The following DAAM2 variants were observed in gnomAD, a reference collection of about 807,000 sequenced individuals.
DAAM2 encodes the protein disheveled-associated activator of morphogenesis 2.
DAAM2 carries 39 observed loss-of-function variants against 120.7 expected under a neutral mutation model. The observed-to-expected ratio is 0.32, with a 90% CI of 0.25 to 0.42. The LOEUF is 0.42. Ranked by LOEUF, DAAM2 falls within the 10% of genes least tolerant of loss-of-function variation. The probability of loss-of-function intolerance (pLI) is 1.00; values close to 1 mark genes in which losing one functional copy is unlikely to be tolerated. For missense variants in DAAM2, 1,283 were observed against 1,401.7 expected (o/e 0.92, Z 1.35); for synonymous variants, 488 against 524.9 (o/e 0.93, Z 0.96).
At chr6:39,856,119 T>TGGGGGGGCCACCGGGGGGGGGGG in intron 1 of DAAM2, 128 bp from the exon 2 acceptor site, 1 of 509,062 alleles carries the variant, frequency 2.0e-6, no homozygotes. Flanking sequence ...GCGGGGTGGG[T>TGGGGGGGCCACCGGGGGGGGGGG]GGGGCTTTGC....
chr6:39,857,026 A>G (rs1764035007), intron 2 of DAAM2, among the ~76,000 whole-genome samples: 1 of 152,190 alleles, frequency 6.6e-6, no homozygotes, highest in Admixed American at 6.5e-5. Flanking sequence ...GGCAGGCGGA[A>G]GCTCTGCCAT....
intron 22 of DAAM2, 125 bp downstream of exon 22, chr6:39,899,062 C>T: frequency 1.4e-6 from 1 of 726,090 alleles, no homozygotes. Flanking sequence ...CAGGGTCAGC[C>T]CTCCCAAAGG....
rs1319700326 is a variant in DAAM2 at position 39,864,457 on chromosome 6, G to T, written c.283G>T (p.Ala95Ser). The change falls in exon 4 of 25, where the codon GCA (alanine) becomes TCA (serine). Residue 95 changes from alanine (A) to serine (S), a missense_variant. Physicochemically the swap from Ala to Ser is moderately conservative, Grantham distance 99. Around this residue, in one of 3 missense-constraint regions of DAAM2, gnomAD observed 197 missense variants for 189.3 expected, o/e 1.04. Transcript: ENST00000274867. ...KKEQEDPNKL[A>S]TSWPDYYIDR... ...GGAGCAGGAGGACCCCAACAAGCTG[G>T]CAACCAGCTGGCCTGACTATTACAT... 6 of 1,612,808 alleles carry T rather than the reference G, an allele frequency of 3.7e-6. No homozygotes were observed. The highest frequency in any genetic ancestry group is 1.3e-5 in the African/African-American group (1 of 74,906).
Position 39,857,104 on chromosome 6 carries a change from G to C in DAAM2, c.168+634G>C, listed in dbSNP as rs1281954454. Among the ~76,000 whole-genome samples, 8 of 152,340 alleles carry C rather than the reference G, an allele frequency of 5.3e-5. No individual in the cohort carries two copies. The East Asian group carries it at 1.2e-3, about 22-fold the overall frequency. ...AGACCAGCTTTCAGACTGCCCTTGT[G>C]AGAAGCCCGTGTGTGTGCAGCTTTA... On this transcript the variant is annotated intron_variant, in intron 2 of 24. Coordinates refer to ENST00000274867, the MANE Select transcript of DAAM2 (RefSeq NM_001201427.2).
chr6:39,864,414 G>A lies in DAAM2; in HGVS notation c.259-19G>A. On this transcript the variant is annotated intron_variant, in intron 3 of 24. Transcript: ENST00000274867. ...CCTGTCTTGCCTGTTGGTCCATGCT[G>A]TCCTTTTTCTTGTTTCAGGAGCAGG... The A allele has an allele frequency of 6.2e-7, 1 of 1,608,760 alleles. No homozygotes were observed. Among genetic ancestry groups the A allele is most frequent in the Non-Finnish European group, 8.5e-7 (1 of 1,176,802 alleles).
chr6:39,878,255 C>A lies in DAAM2; in HGVS notation c.1354C>A (p.Arg452=). ...KQWRDQAEKF[R]KEHMELVSRL... is the part of the protein sequence containing the mutation. ...GTGGCGAGACCAGGCAGAGAAGTTC[C>A]GGAAAGGTGAGGGGCTCTGCTTAAG... Residue 452 remains arginine (R), a synonymous_variant, in exon 12 of 25, where the codon CGG becomes AGG. Transcript: ENST00000274867. This position sits in a 1 kb window ranked among gnomAD's most constrained non-coding sequence, Gnocchi z 5.0. The A allele has an allele frequency of 6.2e-7, 1 of 1,613,940 alleles. No homozygotes were observed. The highest frequency in any genetic ancestry group is 2.2e-5 in the East Asian group (1 of 44,884).
At chr6:39,859,898 G>T (rs1764144267) in intron 2 of DAAM2, among the ~76,000 whole-genome samples, 1 of 152,040 alleles carries the variant, frequency 6.6e-6, no homozygotes. Flanking sequence ...CAAAATTTAA[G>T]ACTATTATAC....
intron 1 of DAAM2, among the ~76,000 whole-genome samples, chr6:39,833,490 TAGAGAC>T (rs764958954): frequency 2.6e-5 from 4 of 152,142 alleles, no homozygotes; most frequent in Admixed American, 6.5e-5. Context: ...ATATTTTTAT[TAGAGAC>T]AGAGTTTCAC....
In DAAM2 at chr6:39,860,979, C is replaced by A. The variant is rs370112679; in HGVS notation, c.220C>A (p.Pro74Thr). The A allele has an allele frequency of 5.9e-5, 95 of 1,613,048 alleles. 1 individual carries two copies. In the East Asian group the frequency reaches 6.5e-4, roughly 11 times the overall value. ...KNREAMFALP[P>T]EKKWQIYCSK... ...CCGAGAGGCTATGTTTGCACTGCCC[C>A]CTGAGAAGAAATGGCAGATCTACTG... Residue 74 changes from proline (P) to threonine (T), a missense_variant, in exon 3 of 25, where the codon CCT becomes ACT. This residue lies in a region of DAAM2 where 197 missense variants were observed against 189.3 expected (regional missense o/e 1.04). Coordinates refer to ENST00000274867, the MANE Select transcript of DAAM2 (RefSeq NM_001201427.2).
chr6:39,876,379 G>C (rs1327186650), intron 11 of DAAM2, among the ~76,000 whole-genome samples: 1 of 152,210 alleles, frequency 6.6e-6, no homozygotes, highest in Non-Finnish European at 1.5e-5. Context: ...TGCATAGTCA[G>C]ATATTGATGT....
In DAAM2 at chr6:39,879,294, T is replaced by TCCCCC; in HGVS notation, c.1663_1667dup (p.Pro558HisfsTer50). 15 of 614,640 alleles carry TCCCCC rather than the reference T, an allele frequency of 2.4e-5. No individual in the cohort carries two copies. Among genetic ancestry groups the TCCCCC allele is most frequent in the South Asian group, 1.2e-4 (6 of 50,658 alleles). 38.1% of individuals were successfully genotyped at this position (614,640 alleles called of 1,614,324 possible). On this transcript the variant is annotated frameshift_variant, in exon 14 of 25. Coordinates refer to ENST00000274867, the MANE Select transcript of DAAM2 (RefSeq NM_001201427.2). LOFTEE classifies it high-confidence loss of function. ...CTCTGCCCTTTGCCTGTTGTCCCCCTCCCCCACCACCACCCCTTCCTCCCG... is the reference window on the plus strand; with the variant it reads ...CTCTGCCCTTTGCCTGTTGTCCCCCTCCCCCCCCCCACCACCACCCCTTCCTCCCG...
chr6:39,817,469 C>A (rs2114105162), intron 1 of DAAM2, among the ~76,000 whole-genome samples: 1 of 152,238 alleles, frequency 6.6e-6, no homozygotes, highest in Admixed American at 6.5e-5. Context: ...GCAGAACAGG[C>A]CCTGTCTTCA....
At chr6:39,894,077 T>C (rs944419349) in intron 19 of DAAM2, among the ~76,000 whole-genome samples, 9 of 152,216 alleles carry the variant, frequency 5.9e-5, no homozygotes, top group Non-Finnish European at 8.8e-5. Context: ...TACCGATTCT[T>C]ATTATAAATA....
chr6:39,899,133 C>T, intron 22 of DAAM2, 196 bp downstream of exon 22: 1 of 577,324 alleles, frequency 1.7e-6, no homozygotes. Flanking sequence ...AAGACTATAC[C>T]CATGTTACTG....
Position 39,904,483 on chromosome 6 carries a change from T to A in DAAM2, c.*2446T>A, listed in dbSNP as rs1766685445. Reference sequence around the variant, plus strand: ...CCCTCCCCACTGCTCCTGCCACCTTTAGATAAGTTTCTCTAGCTAATTTTG... The same window carrying A: ...CCCTCCCCACTGCTCCTGCCACCTTAAGATAAGTTTCTCTAGCTAATTTTG... On this transcript the variant is annotated 3_prime_UTR_variant, in exon 25 of 25. Coordinates refer to ENST00000274867, the MANE Select transcript of DAAM2 (RefSeq NM_001201427.2). 1 of 454,484 alleles carries A rather than the reference T, an allele frequency of 2.2e-6. No homozygotes were observed. The highest frequency in any genetic ancestry group is 6.9e-5 in the East Asian group (1 of 14,396). The allele number at this position is 454,484 out of a possible 1,614,324, so 28.2% of individuals were successfully genotyped here. A position where few individuals can be genotyped will look rare whatever the true frequency, so the allele number is the denominator to read the frequency against.
intron 1 of DAAM2, among the ~76,000 whole-genome samples, chr6:39,838,627 A>G (rs924455534): frequency 6.6e-6 from 1 of 152,132 alleles, no homozygotes; most frequent in African/African-American, 2.4e-5. Flanking sequence ...CCTGAGACTG[A>G]GAAGGTTCCT....
rs767366840 is a variant in DAAM2 at position 39,900,060 on chromosome 6, T to C, written c.2680-17T>C. On this transcript the variant is annotated splice_polypyrimidine_tract_variant and intron_variant, in intron 22 of 24. Transcript: ENST00000274867. Reference sequence around the variant, plus strand: ...TCTTGGCACCAGTCTAAGCAGCACTTCACCCTCCCTCCTCAGGAGCTGGAG... The same window carrying C: ...TCTTGGCACCAGTCTAAGCAGCACTCCACCCTCCCTCCTCAGGAGCTGGAG... The C allele has an allele frequency of 6.3e-7, 1 of 1,597,700 alleles. No individual in the cohort carries two copies. The highest frequency in any genetic ancestry group is 8.5e-7 in the Non-Finnish European group (1 of 1,172,278).
intron 1 of DAAM2, among the ~76,000 whole-genome samples, chr6:39,847,306 C>T (rs75071247): frequency 0.015 from 2,305 of 152,198 alleles, 52 homozygotes; most frequent in African/African-American, 0.052. Context: ...GAGGCCTCAG[C>T]GATGGGTTGC....
At chr6:39,808,797 C>G (rs991160865) in intron 1 of DAAM2, among the ~76,000 whole-genome samples, 1 of 152,210 alleles carries the variant, frequency 6.6e-6, no homozygotes, top group Non-Finnish European at 1.5e-5. Flanking sequence ...AACCCCTTAT[C>G]GGGTTGGCGT....
Sources: allele counts gnomAD v4.1 joint callset (sites outside exome capture counted in the v4.1 genomes callset), GRCh38; gene constraint gnomAD v4.1.1; regional missense constraint gnomAD v4.1.1; non-coding constraint Gnocchi (gnomAD v3.1); transcripts MANE v1.5; gene names NCBI Gene and HGNC (gene_info 2026-07-23, HGNC 2026-07-21).